The following ST8SIA6 variants were observed in gnomAD, a reference collection of about 807,000 sequenced individuals.
ST8SIA6 encodes the protein alpha-2,8-sialyltransferase 8F.
A neutral mutation model predicts 33.6 loss-of-function variants in ST8SIA6; 39 were observed. That is an observed-to-expected ratio of 1.16 (90% CI 0.90 to 1.52). The LOEUF (loss-of-function observed/expected upper bound fraction) is 1.52, where lower values mean the gene tolerates loss of function less well. Among genes scored for constraint, ST8SIA6 ranks in the 40% most tolerant of loss-of-function variants. The pLI, the probability that ST8SIA6 is intolerant of heterozygous loss-of-function variation, is 0.00. For missense variants in ST8SIA6, 441 were observed against 443.8 expected (o/e 0.99, Z 0.06); for synonymous variants, 172 against 167.2 (o/e 1.03, Z -0.22).
chr10:17,330,307 C>G (rs1181785315), intron 5 of ST8SIA6, among the ~76,000 whole-genome samples: 1 of 152,176 alleles, frequency 6.6e-6, no homozygotes, highest in Non-Finnish European at 1.5e-5. Flanking sequence ...CTGGCAAAAC[C>G]TGCATGGATG....
chr10:17,358,726 A>G (rs12241518), intron 4 of ST8SIA6, among the ~76,000 whole-genome samples: 2 of 80,962 alleles, frequency 2.5e-5, no homozygotes, highest in African/African-American at 1.0e-4. Context: ...AGAAAGAAGA[A>G]GAGGAAGAGG....
rs539571631 is a variant in ST8SIA6, at chr10:17,397,525, G to A, written c.201-6905C>T. 4.6e-4 allele frequency among the ~76,000 whole-genome samples: 70 copies of A among 152,174 alleles called. No individual in the cohort carries two copies. In the South Asian group the frequency reaches 0.014, roughly 30 times the overall value. On this transcript the variant is annotated intron_variant, in intron 2 of 7. Coordinates refer to ENST00000377602, the MANE Select transcript of ST8SIA6 (RefSeq NM_001004470.3). ...GCTGGGATTACAGGCGTGAGCCACC[G>A]CGCCTGGCCTCCTGTGCACATTTGA...
chr10:17,378,892 C>T (rs1390245783), intron 3 of ST8SIA6, among the ~76,000 whole-genome samples: 1 of 152,106 alleles, frequency 6.6e-6, no homozygotes, highest in Non-Finnish European at 1.5e-5. Flanking sequence ...TTTGGGAGGT[C>T]AAGGCGGGCG....
chr10:17,426,515 TGTCA>T (rs989028055), intron 2 of ST8SIA6, among the ~76,000 whole-genome samples: 5 of 152,086 alleles, frequency 3.3e-5, no homozygotes, highest in African/African-American at 1.2e-4. Flanking sequence ...AGCCAACACT[TGTCA>T]GTCATTAATT....
chr10:17,451,808 AG>A (rs766893149), intron 2 of ST8SIA6, among the ~76,000 whole-genome samples: 3 of 152,218 alleles, frequency 2.0e-5, no homozygotes, highest in Non-Finnish European at 4.4e-5. Context: ...TAAATGATAA[AG>A]GGGACATAAA....
chr10:17,423,648 G>A (rs572796959), intron 2 of ST8SIA6, among the ~76,000 whole-genome samples: 77 of 152,220 alleles, frequency 5.1e-4, no homozygotes, highest in Non-Finnish European at 4.3e-4. Context: ...GAATACAATA[G>A]CAGACAGCAT....
chr10:17,443,011 T>C (rs1422736703), intron 2 of ST8SIA6, among the ~76,000 whole-genome samples: 1 of 152,184 alleles, frequency 6.6e-6, no homozygotes, highest in African/African-American at 2.4e-5. Flanking sequence ...ATCTATTGCA[T>C]GTATAATGTT....
chr10:17,363,142 A>G (rs10508525), intron 3 of ST8SIA6, among the ~76,000 whole-genome samples: 5,667 of 152,194 alleles, frequency 0.037, 164 homozygotes, highest in East Asian at 0.085. Context: ...GACTTTTCCT[A>G]TTTACAAATC....
At chr10:17,401,466 T>C (rs1313356381) in intron 2 of ST8SIA6, among the ~76,000 whole-genome samples, 1 of 152,312 alleles carries the variant, frequency 6.6e-6, no homozygotes, top group East Asian at 1.9e-4. Flanking sequence ...CGAGCCCGCA[T>C]TGCCAAGACA....
intron 4 of ST8SIA6, among the ~76,000 whole-genome samples, chr10:17,345,264 A>T (rs1442892902): frequency 6.6e-6 from 1 of 152,196 alleles, no homozygotes; most frequent in Non-Finnish European, 1.5e-5. Context: ...TGCTGCTCTG[A>T]GTGGGACAAT....
Position 17,358,718 on chromosome 10 carries a change from AAAG to A in ST8SIA6, c.377+793_377+795del, listed in dbSNP as rs1431525032. Among the ~76,000 whole-genome samples the A allele has an allele frequency of 1.5e-3, 205 of 135,654 alleles. 4 individuals carry two copies. The highest frequency in any genetic ancestry group is 4.7e-3 in the African/African-American group (170 of 36,474). 89.0% of individuals were successfully genotyped at this position (135,654 alleles called of 152,430 possible). On this transcript the variant is annotated intron_variant, in intron 4 of 7. Transcript: ENST00000377602. The stretch of plus-strand genomic sequence containing the variant: ...AAAAGGAGGAGGAGGAGGAAAGAAG[AAAG>A]AAGAAGAGGAAGAGGAAAAAGGAGG...
At position 17,430,560 on chromosome 10, in the gene ST8SIA6, T is replaced by G. The variant is rs1588918366; in HGVS notation, c.200+22999A>C. On this transcript the variant is annotated intron_variant, in intron 2 of 7. Coordinates refer to ENST00000377602, the MANE Select transcript of ST8SIA6 (RefSeq NM_001004470.3). ...TCGCCAACATCTGTTGTTTTTGACT[T>G]TTTAATAATGTCCATTTTTTTTGCC... 3.3e-5 allele frequency among the ~76,000 whole-genome samples: 5 copies of G among 152,272 alleles called. No homozygotes were observed. In the South Asian group the frequency reaches 1.0e-3, roughly 32 times the overall value.
At chr10:17,393,474 G>T (rs1203302901) in intron 2 of ST8SIA6, among the ~76,000 whole-genome samples, 1 of 152,198 alleles carries the variant, frequency 6.6e-6, no homozygotes, top group Non-Finnish European at 1.5e-5. Context: ...CATGCTGGAA[G>T]GTCTTGCCCT....
intron 2 of ST8SIA6, among the ~76,000 whole-genome samples, chr10:17,432,234 G>A (rs1269724952): frequency 2.0e-5 from 3 of 152,206 alleles, no homozygotes; most frequent in South Asian, 2.1e-4. Flanking sequence ...TGACTCACCA[G>A]CCTCGGAAAG....
At chr10:17,380,685 G>T (rs1457697431) in intron 3 of ST8SIA6, among the ~76,000 whole-genome samples, 1 of 152,174 alleles carries the variant, frequency 6.6e-6, no homozygotes, top group Non-Finnish European at 1.5e-5. Context: ...ACAAATTTGT[G>T]TAAGGAGCTC....
chr10:17,402,691 G>T (rs553775657), intron 2 of ST8SIA6, among the ~76,000 whole-genome samples: 1 of 151,832 alleles, frequency 6.6e-6, no homozygotes, highest in African/African-American at 2.4e-5. Flanking sequence ...ACCAAACACC[G>T]CATGTTCTCA....
At position 17,319,048 on chromosome 10, in the gene ST8SIA6, T is replaced by C. The variant is rs565885380; in HGVS notation, c.*1830A>G. Among the ~76,000 whole-genome samples, 28 of 152,100 alleles carry C rather than the reference T, an allele frequency of 1.8e-4. No homozygotes were observed. The highest frequency in any genetic ancestry group is 4.0e-4 in the Non-Finnish European group (27 of 68,018). ...AAGAGAGTAGGAGAGCTTCAAACAATGGCCAACAACCCCAATCTGCTGTGA... is the reference window on the plus strand; with the variant it reads ...AAGAGAGTAGGAGAGCTTCAAACAACGGCCAACAACCCCAATCTGCTGTGA... On this transcript the variant is annotated 3_prime_UTR_variant, in exon 8 of 8. Transcript: ENST00000377602.
At chr10:17,360,753 G>A (rs1849354295) in intron 3 of ST8SIA6, among the ~76,000 whole-genome samples, 2 of 151,548 alleles carry the variant, frequency 1.3e-5, no homozygotes, top group African/African-American at 4.8e-5. Flanking sequence ...AAGAGGGAAG[G>A]GAACAAAGAA....
At chr10:17,334,335 C>T (rs1011488292) in intron 4 of ST8SIA6, among the ~76,000 whole-genome samples, 5 of 151,154 alleles carry the variant, frequency 3.3e-5, no homozygotes, top group South Asian at 4.2e-4. Context: ...GTCAGGAGAT[C>T]GAGACCATCC....
Sources: allele counts gnomAD v4.1 joint callset (sites outside exome capture counted in the v4.1 genomes callset), GRCh38; gene constraint gnomAD v4.1.1; transcripts MANE v1.5; gene names NCBI Gene and HGNC (gene_info 2026-07-23, HGNC 2026-07-21).